The following GIMAP8 variants were observed in gnomAD, a reference collection of about 807,000 sequenced individuals.
GIMAP8 encodes the protein GTPase, IMAP family member 8.
In GIMAP8, 29 loss-of-function variants were observed where a neutral mutation model predicts 35.6. That is an observed-to-expected ratio of 0.81 (90% CI 0.61 to 1.11). GIMAP8 has a LOEUF of 1.11. GIMAP8 is among the 50% of genes most tolerant of loss of function. The pLI, the probability that GIMAP8 is intolerant of heterozygous loss-of-function variation, is 0.00. For synonymous variants in GIMAP8, 335 were observed against 308.7 expected, an observed-to-expected ratio of 1.09 and a Z score of -0.89; for missense variants, 811 against 805.0, an observed-to-expected ratio of 1.01 and a Z score of -0.09.
rs1193494076 is a variant in GIMAP8, at chr7:150,479,092, CACAAT to C, written c.*1314_*1318del. 1 of 152,102 alleles carries C rather than the reference CACAAT, an allele frequency of 6.6e-6. No homozygotes were observed. The highest frequency in any genetic ancestry group is 1.5e-5 in the Non-Finnish European group (1 of 68,028). 9.4% of individuals were successfully genotyped at this position (152,102 alleles called of 1,614,324 possible). A position where few individuals can be genotyped will look rare whatever the true frequency, so the allele number is the denominator to read the frequency against. On this transcript the variant is annotated 3_prime_UTR_variant, in exon 5 of 5. Transcript: ENST00000307271. Reference sequence around the variant, plus strand: ...CTTTTGGATTCCATATAACCCTTAACACAATAACTTCTAGAAAATGTGTGTGCCGT... The same window carrying C: ...CTTTTGGATTCCATATAACCCTTAACAACTTCTAGAAAATGTGTGTGCCGT...
Position 150,451,215 on chromosome 7 carries a change from C to T in GIMAP8, c.-29+40C>T, listed in dbSNP as rs1469264576. The T allele has an allele frequency of 6.6e-6, 1 of 152,374 alleles. No individual in the cohort carries two copies. The highest frequency in any genetic ancestry group is 2.1e-4 in the South Asian group (1 of 4,828). 9.4% of individuals were successfully genotyped at this position (152,374 alleles called of 1,614,324 possible). On this transcript the variant is annotated intron_variant, in intron 1 of 4. Transcript: ENST00000307271. This position sits in a 1 kb window ranked among gnomAD's most constrained non-coding sequence, Gnocchi z 4.1. ...GATAGAGCCAGGTGGATTGCGGAGC[C>T]TCGGAGACTGTGGGACGCCGTGGGA...
chr7:150,462,417 T>C (rs551981886), intron 1 of GIMAP8, among the ~76,000 whole-genome samples: 1 of 152,338 alleles, frequency 6.6e-6, no homozygotes, highest in Admixed American at 6.5e-5. Flanking sequence ...CTCATTTGTA[T>C]ATCTGCTCTA....
chr7:150,465,181 A>G (rs1801926595), intron 1 of GIMAP8, among the ~76,000 whole-genome samples: 1 of 152,218 alleles, frequency 6.6e-6, no homozygotes, highest in Non-Finnish European at 1.5e-5. Context: ...AATAACATGA[A>G]TAACTTTCTG....
intron 4 of GIMAP8, among the ~76,000 whole-genome samples, chr7:150,475,773 A>G (rs1411142765): frequency 2.0e-5 from 3 of 152,338 alleles, no homozygotes; most frequent in East Asian, 1.9e-4. Flanking sequence ...AGAAAGCCCA[A>G]TTTGAAACAG....
chr7:150,460,343 G>C (rs764029743), intron 1 of GIMAP8, among the ~76,000 whole-genome samples: 2 of 152,138 alleles, frequency 1.3e-5, no homozygotes, highest in Non-Finnish European at 2.9e-5. Context: ...CACCCATTCT[G>C]AGAAGTCTAC....
chr7:150,458,620 G>A (rs1801779349), intron 1 of GIMAP8, among the ~76,000 whole-genome samples: 1 of 152,066 alleles, frequency 6.6e-6, no homozygotes, highest in African/African-American at 2.4e-5. Context: ...CTCCATAAAT[G>A]ACACTTAATC....
At position 150,472,446 on chromosome 7, in the gene GIMAP8, G is replaced by C. The variant is rs191286815; in HGVS notation, c.683-1566G>C. Among the ~76,000 whole-genome samples the C allele has an allele frequency of 6.6e-6, 1 of 152,294 alleles. No homozygotes were observed. Among genetic ancestry groups the C allele is most frequent in the African/African-American group, 2.4e-5 (1 of 41,558 alleles). On this transcript the variant is annotated intron_variant, in intron 3 of 4. Coordinates refer to ENST00000307271, the MANE Select transcript of GIMAP8 (RefSeq NM_175571.4). This position sits in a 1 kb window ranked among gnomAD's most constrained non-coding sequence, Gnocchi z 4.1. ...TTGTGTGCTCAGATACGATTGCAGA[G>C]TGGTTGTGGTTGTGGAAGACTCGTG...
At chr7:150,457,469 T>C (rs1801754237) in intron 1 of GIMAP8, among the ~76,000 whole-genome samples, 1 of 152,204 alleles carries the variant, frequency 6.6e-6, no homozygotes, top group South Asian at 2.1e-4. Flanking sequence ...AAAGGGTTGA[T>C]AAGAGTGGAT....
Position 150,474,035 on chromosome 7 carries a change from T to G in GIMAP8, c.706T>G (p.Ser236Ala). ...PQGPRERQLQSTGPEQNPGTS... is the reference protein window; with the variant it reads ...PQGPRERQLQATGPEQNPGTS... ...AGGCCCAAGGGAAAGGCAGCTGCAG[T>G]CCACAGGACCCGAGCAGAATCCGGG... is the stretch of plus-strand genomic sequence containing the variant. Residue 236 changes from serine to alanine, a missense_variant, in exon 4 of 5, where the codon TCC (serine) becomes GCC (alanine). Transcript: ENST00000307271. 6.2e-7 allele frequency: 1 copy of G among 1,613,456 alleles called. No individual in the cohort carries two copies. Among genetic ancestry groups the G allele is most frequent in the Non-Finnish European group, 8.5e-7 (1 of 1,179,750 alleles).
chr7:150,479,070 T>C lies in GIMAP8; in HGVS notation c.*1290T>C, dbSNP rs1159402092. On this transcript the variant is annotated 3_prime_UTR_variant, in exon 5 of 5. Coordinates refer to ENST00000307271, the MANE Select transcript of GIMAP8 (RefSeq NM_175571.4). ...ACATGGACTGTTGCCATTAATACTT[T>C]TGGATTCCATATAACCCTTAACACA... is the stretch of plus-strand genomic sequence containing the variant. 6.6e-6 allele frequency: 1 copy of C among 152,240 alleles called. No individual in the cohort carries two copies. Among genetic ancestry groups the C allele is most frequent in the Non-Finnish European group, 1.5e-5 (1 of 68,052 alleles). 9.4% of individuals were successfully genotyped at this position (152,240 alleles called of 1,614,324 possible).
chr7:150,462,799 A>C (rs1329349377), intron 1 of GIMAP8, among the ~76,000 whole-genome samples: 1 of 151,990 alleles, frequency 6.6e-6, no homozygotes, highest in African/African-American at 2.4e-5. Flanking sequence ...TGACAATTTG[A>C]CTACAATATG....
At chr7:150,458,581 C>T (rs1801778456) in intron 1 of GIMAP8, among the ~76,000 whole-genome samples, 1 of 152,180 alleles carries the variant, frequency 6.6e-6, no homozygotes, top group Non-Finnish European at 1.5e-5. Flanking sequence ...CACATGTCCT[C>T]ACCTTATCCA....
intron 2 of GIMAP8, among the ~76,000 whole-genome samples, chr7:150,469,937 A>G (rs1299275906): frequency 6.6e-6 from 1 of 152,266 alleles, no homozygotes; most frequent in Non-Finnish European, 1.5e-5. Flanking sequence ...AGCAGATTGT[A>G]GAACAAATAA....
In GIMAP8 at chr7:150,478,473, C is replaced by CATAG. The variant is rs1304759909; in HGVS notation, c.*695_*698dup. On this transcript the variant is annotated 3_prime_UTR_variant, in exon 5 of 5. Coordinates refer to ENST00000307271, the MANE Select transcript of GIMAP8 (RefSeq NM_175571.4). ...ATTTTATTGCTAATTATCACAGTGA[C>CATAG]ATAGACTAGAACAGAAATTAGAAGC... 1 of 152,182 alleles carries CATAG rather than the reference C, an allele frequency of 6.6e-6. No individual in the cohort carries two copies. The highest frequency in any genetic ancestry group is 2.4e-5 in the African/African-American group (1 of 41,432). 9.4% of individuals were successfully genotyped at this position (152,182 alleles called of 1,614,324 possible).
At chr7:150,476,967 G>A (rs1289808473) in intron 4 of GIMAP8, 125 bp from the exon 5 acceptor site, 1 of 702,448 alleles carries the variant, frequency 1.4e-6, no homozygotes, top group East Asian at 2.7e-5. Flanking sequence ...GGGTGAGAAG[G>A]AGGTCTTGAT....
Position 150,477,253 on chromosome 7 carries a change from GT to G in GIMAP8, c.1473del (p.Val492TrpfsTer19). Reference protein sequence around the residue: ...RRTWDGQEVVVVDTPSFNQML... With the variant: ...RRTWDGQEVVXVDTPSFNQML... ...GACATGGGACGGACAGGAGGTGGTG[GT>G]TGTGGACACTCCTTCCTTCAACCAG... On this transcript the variant is annotated frameshift_variant, in exon 5 of 5. Coordinates refer to ENST00000307271, the MANE Select transcript of GIMAP8 (RefSeq NM_175571.4). LOFTEE classifies it low-confidence loss of function (END_TRUNC). 6.2e-7 allele frequency: 1 copy of G among 1,614,130 alleles called. No individual in the cohort carries two copies. The highest frequency in any genetic ancestry group is 8.5e-7 in the Non-Finnish European group (1 of 1,180,026).
intron 1 of GIMAP8, among the ~76,000 whole-genome samples, chr7:150,465,058 T>A (rs76794622): frequency 0.019 from 2,875 of 152,308 alleles, 88 homozygotes; most frequent in African/African-American, 0.065. Flanking sequence ...TCTATGCCTT[T>A]TATTTGTTGT....
Position 150,477,178 on chromosome 7 carries a change from T to G in GIMAP8, c.1396T>G (p.Ser466Ala). The change falls in exon 5 of 5, where the codon TCT (serine) becomes GCT (alanine). Residue 466 changes from serine (S) to alanine (A), a missense_variant. Transcript: ENST00000307271. ...NSILGSLVFT[S>A]RLRAQPVTKT... ...TATCCTGGGGAGCCTCGTCTTCACC[T>G]CTCGGCTCCGGGCCCAGCCAGTCAC... The G allele has an allele frequency of 6.2e-7, 1 of 1,614,054 alleles. No homozygotes were observed. The highest frequency in any genetic ancestry group is 1.3e-5 in the African/African-American group (1 of 75,000).
chr7:150,467,856 C>T (rs1270205838), intron 2 of GIMAP8, among the ~76,000 whole-genome samples: 10 of 152,162 alleles, frequency 6.6e-5, no homozygotes. Flanking sequence ...AGTAGTAACT[C>T]TAGTCCAAAT....
Sources: allele counts gnomAD v4.1 joint callset (sites outside exome capture counted in the v4.1 genomes callset), GRCh38; gene constraint gnomAD v4.1.1; non-coding constraint Gnocchi (gnomAD v3.1); transcripts MANE v1.5; gene names NCBI Gene and HGNC (gene_info 2026-07-23, HGNC 2026-07-21).